The following ZDHHC11B variants were observed in gnomAD, a reference collection of about 807,000 sequenced individuals.
ZDHHC11B encodes the protein zDHHC palmitoyltransferase 11B (putative), also known as probable palmitoyltransferase ZDHHC11B.
ZDHHC11B carries 17 observed loss-of-function variants against 42.3 expected under a neutral mutation model. The observed-to-expected ratio is 0.40, with a 90% confidence interval of 0.27 to 0.60. The LOEUF (loss-of-function observed/expected upper bound fraction) is 0.60, where lower values mean the gene tolerates loss of function less well. ZDHHC11B is among the 20% of genes least tolerant of loss of function. The pLI is 0.41. For missense variants in ZDHHC11B, 262 were observed against 463.2 expected, an observed-to-expected ratio of 0.57 and a Z score of 3.99; for synonymous variants, 123 against 193.5, an observed-to-expected ratio of 0.64 and a Z score of 3.02.
At chr5:717,997 A>G (rs116173467) in intron 12 of ZDHHC11B, among the ~76,000 whole-genome samples, 1,873 of 151,768 alleles carry the variant, frequency 0.012, 84 homozygotes, top group African/African-American at 0.044. Context: ...AAAATTACAC[A>G]GAAGGAAGTG....
In ZDHHC11B at chr5:715,325, T is replaced by C. The variant is rs559690523; in HGVS notation, c.*7+1476A>G. Among the ~76,000 whole-genome samples the C allele has an allele frequency of 4.5e-4, 68 of 150,720 alleles. 1 individual carries two copies. Among genetic ancestry groups the C allele is most frequent in the African/African-American group, 1.6e-3 (64 of 40,722 alleles). ...CTTCGGCCAAGCGTCCAGCTCCACT[T>C]CTCAGGCTCTGCTACTCCTCAGCCA... On this transcript the variant is annotated intron_variant, in intron 13 of 13. Coordinates refer to ENST00000508859, the MANE Select transcript of ZDHHC11B (RefSeq NM_001351303.2).
chr5:764,425 G>A (rs1735011016), intron 4 of ZDHHC11B, among the ~76,000 whole-genome samples: 1 of 151,888 alleles, frequency 6.6e-6, no homozygotes, highest in African/African-American at 2.4e-5. Context: ...AGTTCGGGGT[G>A]GGCATGGGCT....
intron 4 of ZDHHC11B, among the ~76,000 whole-genome samples, chr5:765,827 G>A (rs1735238020): frequency 6.6e-6 from 1 of 151,906 alleles, no homozygotes; most frequent in South Asian, 2.1e-4. Context: ...CCGCCTTTAA[G>A]AACTGTAACA....
At chr5:772,425 G>C (rs1260436258) in intron 1 of ZDHHC11B, among the ~76,000 whole-genome samples, 4 of 151,714 alleles carry the variant, frequency 2.6e-5, no homozygotes, top group African/African-American at 2.4e-5. Flanking sequence ...CAAACGTTCT[G>C]AGGAAAAATG....
rs1354396557 is a variant in ZDHHC11B at position 753,357 on chromosome 5, T to G, written c.503+1641A>C. ...TGGCACAGATGCCGGCGTTGGCTGC[T>G]GCCTGGAGCTGAGGGCGCCCATGAC... On this transcript the variant is annotated intron_variant, in intron 6 of 13. Transcript: ENST00000508859. 2.3e-5 allele frequency among the ~76,000 whole-genome samples: 3 copies of G among 130,868 alleles called. 1 individual carries two copies. Among genetic ancestry groups the G allele is most frequent in the Middle Eastern group, 7.0e-3 (2 of 286 alleles). 85.9% of individuals were successfully genotyped at this position (130,868 alleles called of 152,430 possible).
chr5:724,968 T>G (rs7724974), intron 12 of ZDHHC11B, among the ~76,000 whole-genome samples: 66,247 of 139,486 alleles, frequency 0.47, 11,262 homozygotes, highest in Middle Eastern at 0.52. Flanking sequence ...CTTCTGGGCC[T>G]TTGTTGCTGT....
At chr5:783,926 G>T (rs1182762293) in intron 1 of ZDHHC11B, among the ~76,000 whole-genome samples, 2 of 149,928 alleles carry the variant, frequency 1.3e-5, no homozygotes, top group Non-Finnish European at 3.0e-5. Flanking sequence ...CTGCCCGGGA[G>T]GGACAGGCTT....
Position 755,055 on chromosome 5 carries a change from GAC to G in ZDHHC11B, c.444_445del (p.Ser149ArgfsTer60), listed in dbSNP as rs1414021725. 1.2e-4 allele frequency: 102 copies of G among 824,028 alleles called. 1 individual carries two copies. The highest frequency in any genetic ancestry group is 1.8e-4 in the Non-Finnish European group (100 of 549,836). The allele number at this position is 824,028 out of a possible 1,614,324, so 51.0% of individuals were successfully genotyped here. ...CCATTTGCAGTGGTGGTCGAAGCCG[GAC>G]ACACACTTATTGCAGGAAATGCAGT... On this transcript the variant is annotated frameshift_variant, in exon 6 of 14. Coordinates refer to ENST00000508859, the MANE Select transcript of ZDHHC11B (RefSeq NM_001351303.2). LOFTEE classifies it high-confidence loss of function.
chr5:730,512 C>G (rs1742942913), intron 11 of ZDHHC11B, 44 bp from the exon 12 acceptor site: 1 of 1,533,652 alleles, frequency 6.5e-7, no homozygotes, highest in Admixed American at 2.4e-5. Flanking sequence ...GAACAAAGAC[C>G]TTGTTGACAT....
chr5:774,836 C>T (rs1359111737), intron 1 of ZDHHC11B, among the ~76,000 whole-genome samples: 2 of 151,896 alleles, frequency 1.3e-5, no homozygotes, highest in African/African-American at 4.8e-5. Flanking sequence ...CTAGGGCCAG[C>T]TGCTGTTTTA....
At chr5:739,709 A>T (rs1417974676) in intron 10 of ZDHHC11B, among the ~76,000 whole-genome samples, 4 of 145,830 alleles carry the variant, frequency 2.7e-5, no homozygotes, top group Non-Finnish European at 6.1e-5. Flanking sequence ...CAGTACGGAG[A>T]TTCTGTAAAG....
At chr5:719,197 G>C (rs1241253873) in intron 12 of ZDHHC11B, among the ~76,000 whole-genome samples, 4 of 151,722 alleles carry the variant, frequency 2.6e-5, no homozygotes, top group Non-Finnish European at 5.9e-5. Context: ...CAGAGGAGGA[G>C]AAGCACTTGA....
At chr5:736,684 A>T (rs2127021172) in intron 10 of ZDHHC11B, among the ~76,000 whole-genome samples, 1 of 136,392 alleles carries the variant, frequency 7.3e-6, no homozygotes, top group Admixed American at 8.0e-5. Flanking sequence ...AATTACACAA[A>T]TATGTAGAAA....
intron 12 of ZDHHC11B, among the ~76,000 whole-genome samples, chr5:718,877 T>C (rs1284294161): frequency 6.6e-6 from 1 of 151,608 alleles, no homozygotes; most frequent in Non-Finnish European, 1.5e-5. Flanking sequence ...TTGTCCTCAA[T>C]AAATTTGAGG....
intron 12 of ZDHHC11B, among the ~76,000 whole-genome samples, chr5:718,994 A>T (rs1226223723): frequency 1.3e-5 from 2 of 152,006 alleles, no homozygotes; most frequent in South Asian, 4.2e-4. Context: ...CAACCATTGG[A>T]AGATTTAGAG....
intron 1 of ZDHHC11B, among the ~76,000 whole-genome samples, chr5:771,781 T>A (rs572176803): frequency 6.7e-6 from 1 of 149,958 alleles, no homozygotes; most frequent in East Asian, 2.0e-4. Context: ...CCTTCTGGGA[T>A]GCTTCAAACT....
chr5:717,430 G>C (rs6896319), intron 12 of ZDHHC11B, among the ~76,000 whole-genome samples: 1 of 151,516 alleles, frequency 6.6e-6, no homozygotes, highest in African/African-American at 2.4e-5. Context: ...AGAGGGTTGG[G>C]GATCCGGCTT....
At chr5:748,829 T>TC (rs1294985458) in intron 7 of ZDHHC11B, among the ~76,000 whole-genome samples, 1 of 130,014 alleles carries the variant, frequency 7.7e-6, no homozygotes, top group Non-Finnish European at 1.7e-5. Context: ...ATCCACCCCT[T>TC]CCTAAGTTCT....
chr5:744,813 A>G lies in ZDHHC11B; in HGVS notation c.900+370T>C, dbSNP rs143371747. The stretch of plus-strand genomic sequence containing the variant: ...TTGAACCCAGGAGGTGGCGGCTACA[A>G]TGAGCTGAGGTTTCACCACTTCACT... On this transcript the variant is annotated intron_variant, in intron 9 of 13. Transcript: ENST00000508859. Among the ~76,000 whole-genome samples the G allele has an allele frequency of 3.1e-4, 46 of 148,980 alleles. No individual in the cohort carries two copies. In the East Asian group the frequency reaches 8.3e-3, roughly 27 times the overall value.
Sources: allele counts gnomAD v4.1 joint callset (sites outside exome capture counted in the v4.1 genomes callset), GRCh38; gene constraint gnomAD v4.1.1; transcripts MANE v1.5; gene names NCBI Gene and HGNC (gene_info 2026-07-23, HGNC 2026-07-21).